ENOX1: variants seen among roughly 807,000 people sequenced by gnomAD.
ENOX1 encodes the protein candidate growth-related and time keeping constitutive hydroquinone (NADH) oxidase.
Under a neutral mutation model 82.5 loss-of-function variants are expected in ENOX1, and 42 were observed. That is an observed-to-expected ratio of 0.51 (90% CI 0.40 to 0.66). ENOX1 has a LOEUF of 0.66. Among genes scored for constraint, ENOX1 ranks in the 30% least tolerant of loss-of-function variants. The probability of loss-of-function intolerance (pLI) is 0.00; values close to 1 mark genes in which losing one functional copy is unlikely to be tolerated. For synonymous variants in ENOX1, 271 were observed against 282.2 expected, an observed-to-expected ratio of 0.96 and a Z score of 0.40; for missense variants, 608 against 811.6, an observed-to-expected ratio of 0.75 and a Z score of 3.05.
At chr13:43,746,897 C>T (rs767766496) in intron 1 of ENOX1, among the ~76,000 whole-genome samples, 8 of 152,128 alleles carry the variant, frequency 5.3e-5, no homozygotes, top group Non-Finnish European at 7.4e-5. Flanking sequence ...GAACTTCAAA[C>T]GGCAGTTTGT....
At chr13:43,327,053 G>T (rs2048155181) in intron 9 of ENOX1, among the ~76,000 whole-genome samples, 3 of 152,138 alleles carry the variant, frequency 2.0e-5, no homozygotes, top group Non-Finnish European at 4.4e-5. Context: ...GCCGTGCCAT[G>T]TCTCCCCTCA....
chr13:43,718,944 G>A (rs895154532), intron 1 of ENOX1, among the ~76,000 whole-genome samples: 1 of 152,092 alleles, frequency 6.6e-6, no homozygotes, highest in Admixed American at 6.6e-5. Flanking sequence ...CAGATACAAT[G>A]GACGAGATGA....
intron 8 of ENOX1, among the ~76,000 whole-genome samples, chr13:43,354,664 C>T (rs535864578): frequency 4.5e-4 from 68 of 152,140 alleles, no homozygotes; most frequent in Non-Finnish European, 8.7e-4. Flanking sequence ...CTGTTAATGG[C>T]TTCTCCACTG....
At chr13:43,761,891 G>A (rs1332197342) in intron 1 of ENOX1, among the ~76,000 whole-genome samples, 7 of 152,158 alleles carry the variant, frequency 4.6e-5, no homozygotes, top group Non-Finnish European at 1.0e-4. Flanking sequence ...AAATAAAAGT[G>A]TGTCTCTGCT....
intron 1 of ENOX1, among the ~76,000 whole-genome samples, chr13:43,680,892 A>T (rs1261006336): frequency 6.6e-6 from 1 of 152,176 alleles, no homozygotes; most frequent in East Asian, 1.9e-4. Context: ...TGTCTTCCTG[A>T]TGAATCCTAA....
At chr13:43,327,846 C>T (rs547969094) in intron 9 of ENOX1, among the ~76,000 whole-genome samples, 2 of 152,302 alleles carry the variant, frequency 1.3e-5, no homozygotes, top group African/African-American at 4.8e-5. Context: ...CTTACAATAT[C>T]GTGAATACTT....
At chr13:43,219,521 C>T (rs1414698718) in intron 16 of ENOX1, among the ~76,000 whole-genome samples, 2 of 152,110 alleles carry the variant, frequency 1.3e-5, no homozygotes, top group South Asian at 2.1e-4. Context: ...GTGGATTCTT[C>T]TACCTGTTTT....
At chr13:43,660,517 A>G (rs970145329) in intron 2 of ENOX1, among the ~76,000 whole-genome samples, 2 of 152,260 alleles carry the variant, frequency 1.3e-5, no homozygotes, top group Non-Finnish European at 2.9e-5. Context: ...TTGGATTTAG[A>G]TGAAACTAAA....
rs181770584 is a variant in ENOX1, at chr13:43,403,932, G to A, written c.208+7984C>T. Among the ~76,000 whole-genome samples the A allele has an allele frequency of 1.8e-4, 28 of 152,286 alleles. No individual in the cohort carries two copies. In the East Asian group the frequency reaches 3.5e-3, roughly 19 times the overall value. ...TCAGCTTAGCACTAGGATGCAAGTT[G>A]CAGGACAGCATGTGTAGCGTCTATG... is the stretch of plus-strand genomic sequence containing the variant. On this transcript the variant is annotated intron_variant, in intron 5 of 16. Transcript: ENST00000690772.
At chr13:43,609,914 G>A (rs2082127983) in intron 2 of ENOX1, 1 of 981,824 alleles carries the variant, frequency 1.0e-6, no homozygotes, top group African/African-American at 1.8e-5. Context: ...TCCATCTTCT[G>A]TCCATCTGGA....
chr13:43,256,644 A>G (rs2043763945), intron 14 of ENOX1, among the ~76,000 whole-genome samples: 4 of 152,200 alleles, frequency 2.6e-5, no homozygotes, highest in Admixed American at 6.5e-5. Context: ...GGCTTTTATC[A>G]AAAAGACAAA....
At chr13:43,574,596 A>C (rs916929854) in intron 2 of ENOX1, among the ~76,000 whole-genome samples, 4 of 152,210 alleles carry the variant, frequency 2.6e-5, no homozygotes, top group African/African-American at 9.6e-5. Context: ...AATTTGCTAC[A>C]AACCAAAATT....
At chr13:43,218,997 A>G (rs1448221427) in intron 16 of ENOX1, among the ~76,000 whole-genome samples, 1 of 152,154 alleles carries the variant, frequency 6.6e-6, no homozygotes, top group African/African-American at 2.4e-5. Flanking sequence ...TAGAGAATTG[A>G]GACTCTGGAG....
intron 2 of ENOX1, among the ~76,000 whole-genome samples, chr13:43,503,812 G>A (rs867244572): frequency 7.3e-5 from 11 of 151,580 alleles, no homozygotes; most frequent in African/African-American, 2.4e-4. Flanking sequence ...TGATACCAAA[G>A]GACAGGCAAC....
chr13:43,416,341 T>C (rs1339084545), intron 3 of ENOX1, among the ~76,000 whole-genome samples: 4 of 135,204 alleles, frequency 3.0e-5, no homozygotes, highest in Non-Finnish European at 6.2e-5. Flanking sequence ...CGCTCCTCAG[T>C]TCCCAGATGG....
At chr13:43,258,458 G>A (rs555992842) in intron 14 of ENOX1, among the ~76,000 whole-genome samples, 1 of 152,168 alleles carries the variant, frequency 6.6e-6, no homozygotes, top group Non-Finnish European at 1.5e-5. Context: ...GGTTAGAGGT[G>A]GGGAAGGAAA....
chr13:43,275,404 T>C (rs2044953740), intron 12 of ENOX1, among the ~76,000 whole-genome samples: 1 of 152,224 alleles, frequency 6.6e-6, no homozygotes, highest in Admixed American at 6.5e-5. Context: ...CATCTTGTTG[T>C]AAGCTGAAAT....
chr13:43,661,861 G>A (rs1024735045), intron 2 of ENOX1, among the ~76,000 whole-genome samples: 6 of 152,124 alleles, frequency 3.9e-5, no homozygotes, highest in African/African-American at 9.7e-5. Context: ...AACATTTACC[G>A]AGTATCTACT....
At chr13:43,338,931 C>A (rs545480951) in intron 9 of ENOX1, among the ~76,000 whole-genome samples, 1 of 152,106 alleles carries the variant, frequency 6.6e-6, no homozygotes, top group African/African-American at 2.4e-5. Context: ...GTGATCCGCC[C>A]GCCTTGGCCT....
Sources: gnomAD v4.1 joint callset for allele counts (sites outside exome capture counted in the v4.1 genomes callset) on GRCh38, gnomAD v4.1.1 for gene constraint, MANE v1.5 for transcripts, NCBI Gene and HGNC (gene_info 2026-07-23, HGNC 2026-07-21) for gene names.